PKD2: variants seen among roughly 807,000 people sequenced by gnomAD.
The protein encoded by PKD2 is polycystin 2, transient receptor potential cation channel, also known as polycystin-2.
PKD2 carries 48 observed loss-of-function variants against 105.9 expected under a neutral mutation model. The ratio of observed to expected loss-of-function variants is 0.45; its 90% confidence interval spans 0.36 to 0.58. The LOEUF (loss-of-function observed/expected upper bound fraction) is 0.58. PKD2 is among the 20% of genes least tolerant of loss of function. The pLI is 0.00. For missense variants in PKD2, 1,078 were observed against 1,255.3 expected (o/e 0.86, Z 2.13); for synonymous variants, 464 against 481.1 (o/e 0.96, Z 0.46).
At chr4:88,022,415 T>C (rs1726786512) in intron 2 of PKD2, among the ~76,000 whole-genome samples, 1 of 152,236 alleles carries the variant, frequency 6.6e-6, no homozygotes, top group Non-Finnish European at 1.5e-5. Context: ...CACTTCATTA[T>C]ATTATCATCC....
At chr4:88,072,093 C>T (rs1721058838) in intron 13 of PKD2, among the ~76,000 whole-genome samples, 2 of 151,378 alleles carry the variant, frequency 1.3e-5, no homozygotes, top group Non-Finnish European at 2.9e-5. Context: ...AGCAATCTTC[C>T]CACCTCAGCT....
At chr4:88,052,430 G>A (rs572814277) in intron 7 of PKD2, among the ~76,000 whole-genome samples, 243 of 152,112 alleles carry the variant, frequency 1.6e-3, no homozygotes, top group Admixed American at 5.0e-3. Flanking sequence ...CACCATACCC[G>A]GCTAATTTTT....
chr4:88,027,251 C>G (rs1726990109), intron 2 of PKD2, among the ~76,000 whole-genome samples: 1 of 152,214 alleles, frequency 6.6e-6, no homozygotes, highest in Non-Finnish European at 1.5e-5. Flanking sequence ...CTGTACCCTG[C>G]AGAGCCACAG....
chr4:88,057,538 C>A (rs1395896089), intron 8 of PKD2, among the ~76,000 whole-genome samples: 1 of 150,812 alleles, frequency 6.6e-6, no homozygotes, highest in African/African-American at 2.4e-5. Context: ...CGGGTTCAAG[C>A]GATTCTCCTG....
chr4:88,046,913 A>G (rs754776342), intron 6 of PKD2, 43 bp downstream of exon 6: 22 of 1,147,112 alleles, frequency 1.9e-5, no homozygotes, highest in Non-Finnish European at 1.3e-6. Flanking sequence ...CTATTCTACA[A>G]GCATGTTAAC....
At chr4:88,021,487 T>G (rs1726745483) in intron 2 of PKD2, among the ~76,000 whole-genome samples, 1 of 152,258 alleles carries the variant, frequency 6.6e-6, no homozygotes, top group Non-Finnish European at 1.5e-5. Flanking sequence ...AGTAGCTATA[T>G]ATTTAAAAAT....
intron 2 of PKD2, among the ~76,000 whole-genome samples, chr4:88,020,099 A>G (rs914822611): frequency 9.9e-5 from 15 of 152,226 alleles, no homozygotes; most frequent in Non-Finnish European, 2.9e-5. Context: ...AAACCAAGTT[A>G]GAGGATTTTT....
Position 88,068,010 on chromosome 4 carries a change from C to T in PKD2, c.2471C>T (p.Ser824Phe). The change falls in exon 13 of 15, where the codon TCC becomes TTC. Residue 824 changes from serine to phenylalanine, a missense_variant. This residue lies in a region of PKD2 where 868 missense variants were observed against 1,067.3 expected (regional missense o/e 0.81). Transcript: ENST00000237596. ...EDDDEDSGHS[S>F]RRRGSISSGV... ...GACGATGAAGATAGCGGACATAGCT[C>T]CAGAAGGAGGGGAAGCATTTCTAGT... 1 of 1,614,002 alleles carries T rather than the reference C, an allele frequency of 6.2e-7. No homozygotes were observed. The highest frequency in any genetic ancestry group is 8.5e-7 in the Non-Finnish European group (1 of 1,179,922).
At chr4:88,054,539 T>C (rs1720247408) in intron 7 of PKD2, among the ~76,000 whole-genome samples, 1 of 152,184 alleles carries the variant, frequency 6.6e-6, no homozygotes, top group Non-Finnish European at 1.5e-5. Context: ...CTAGAGATTT[T>C]CCTACAACAT....
intron 1 of PKD2, among the ~76,000 whole-genome samples, chr4:88,013,802 G>T (rs1456268974): frequency 6.6e-6 from 1 of 152,056 alleles, no homozygotes; most frequent in Non-Finnish European, 1.5e-5. Flanking sequence ...TGAAGAATGA[G>T]AGGGGAATAC....
rs1474140031 is a variant in PKD2 at position 88,038,487 on chromosome 4, C to T, written c.1080C>T (p.Pro360=). 1 of 1,613,914 alleles carries T rather than the reference C, an allele frequency of 6.2e-7. No homozygotes were observed. Among genetic ancestry groups the T allele is most frequent in the Admixed American group, 1.7e-5 (1 of 60,008 alleles). ...GTGAAGATAGGGCTCCCTTTGGGCC[C>T]CGAAATGGAACCGCGTAAGTGTCTG... is the stretch of plus-strand genomic sequence containing the variant. ...VSSEDRAPFG[P]RNGTAWIYTS... is the part of the protein sequence containing the mutation. The change falls in exon 4 of 15, where the codon CCC becomes CCT. Residue 360 remains proline, a synonymous_variant. Transcript: ENST00000237596.
At position 88,065,378 on chromosome 4, in the gene PKD2, A is replaced by G; in HGVS notation, c.2123A>G (p.Tyr708Cys). 6.2e-7 allele frequency: 1 copy of G among 1,611,466 alleles called. No individual in the cohort carries two copies. Among genetic ancestry groups the G allele is most frequent in the Non-Finnish European group, 8.5e-7 (1 of 1,177,570 alleles). ...MELSDLIRKG[Y>C]HKALVKLKLK... ...TATTTTTTCTCTCTCTGATAGGGCT[A>G]CCATAAAGCTTTGGTCAAACTAAAA... Residue 708 changes from tyrosine to cysteine, a missense_variant, in exon 11 of 15, where the codon TAC becomes TGC. Physicochemically the swap from Tyr to Cys is radical, Grantham distance 194. Transcript: ENST00000237596.
At chr4:88,049,562 A>G (rs1339132894) in intron 6 of PKD2, among the ~76,000 whole-genome samples, 1 of 152,204 alleles carries the variant, frequency 6.6e-6, no homozygotes, top group Non-Finnish European at 1.5e-5. Context: ...GGCTACTGGA[A>G]TCTCACTTGT....
intron 2 of PKD2, among the ~76,000 whole-genome samples, chr4:88,022,146 G>A (rs1047478556): frequency 3.3e-5 from 5 of 152,178 alleles, no homozygotes; most frequent in Non-Finnish European, 7.3e-5. Flanking sequence ...TCCCCCAGCT[G>A]TATGTGAGCT....
chr4:88,041,801 T>TTG (rs1254346028), intron 4 of PKD2, among the ~76,000 whole-genome samples: 1 of 152,128 alleles, frequency 6.6e-6, no homozygotes, highest in East Asian at 1.9e-4. Context: ...CAGGGAGCTG[T>TTG]TTATCAGTCA....
At chr4:88,026,223 G>C (rs1356162432) in intron 2 of PKD2, among the ~76,000 whole-genome samples, 2 of 152,204 alleles carry the variant, frequency 1.3e-5, no homozygotes, top group African/African-American at 2.4e-5. Flanking sequence ...TACACTGATA[G>C]TGATATGGAC....
intron 2 of PKD2, among the ~76,000 whole-genome samples, chr4:88,024,766 G>T (rs1219735053): frequency 6.6e-6 from 1 of 152,024 alleles, no homozygotes; most frequent in Non-Finnish European, 1.5e-5. Context: ...ACATCACAAA[G>T]GGTTAATATT....
intron 5 of PKD2, 27 bp downstream of exon 5, chr4:88,043,484 C>T: frequency 6.8e-7 from 1 of 1,474,346 alleles, no homozygotes; most frequent in Admixed American, 1.7e-5. Flanking sequence ...TGCATCCCTC[C>T]TATTTCTGTG....
chr4:88,053,387 G>T (rs528041913), intron 7 of PKD2, among the ~76,000 whole-genome samples: 2 of 152,214 alleles, frequency 1.3e-5, no homozygotes, highest in African/African-American at 4.8e-5. Flanking sequence ...TGGACCAGGC[G>T]CAGTGGCTCA....
Sources: gnomAD v4.1 joint callset for allele counts (sites outside exome capture counted in the v4.1 genomes callset) on GRCh38, gnomAD v4.1.1 for gene constraint, gnomAD v4.1.1 regional missense constraint, MANE v1.5 for transcripts, NCBI Gene and HGNC (gene_info 2026-07-23, HGNC 2026-07-21) for gene names.